Variants in NKAIN2 observed in about 807,000 individuals in gnomAD.
The protein encoded by NKAIN2 is sodium/potassium transporting ATPase interacting 2.
A neutral mutation model predicts 32.6 loss-of-function variants in NKAIN2; 14 were observed. The ratio of observed to expected loss-of-function variants is 0.43; its 90% confidence interval spans 0.28 to 0.67. The LOEUF is 0.67. Among genes scored for constraint, NKAIN2 ranks in the 30% least tolerant of loss-of-function variants. The pLI is 0.17. For synonymous variants in NKAIN2, 80 were observed against 87.2 expected, an observed-to-expected ratio of 0.92 and a Z score of 0.46; for missense variants, 198 against 258.3, an observed-to-expected ratio of 0.77 and a Z score of 1.60.
In NKAIN2 at chr6:124,384,022, T is replaced by A. The variant is rs539971850; in HGVS notation, c.273+28675T>A. 2.6e-5 allele frequency among the ~76,000 whole-genome samples: 4 copies of A among 152,320 alleles called. No individual in the cohort carries two copies. In the East Asian group the frequency reaches 7.7e-4, roughly 29 times the overall value. On this transcript the variant is annotated intron_variant, in intron 3 of 6. Transcript: ENST00000368417. Reference sequence around the variant, plus strand: ...AGGAGTACCATTCTTAGCTATGGGCTCATATAGTGTAAGTATTCAATAAAC... The same window carrying A: ...AGGAGTACCATTCTTAGCTATGGGCACATATAGTGTAAGTATTCAATAAAC...
chr6:124,023,948 C>T (rs770531024), intron 1 of NKAIN2, among the ~76,000 whole-genome samples: 1 of 151,872 alleles, frequency 6.6e-6, no homozygotes, highest in African/African-American at 2.4e-5. Flanking sequence ...ATAGAAAAAT[C>T]GTCTAAGATT....
intron 3 of NKAIN2, among the ~76,000 whole-genome samples, chr6:124,656,752 G>A (rs967799634): frequency 1.3e-5 from 2 of 152,070 alleles, no homozygotes; most frequent in African/African-American, 2.4e-5. Context: ...GAAAACCCAC[G>A]TTAGCTCTCT....
intron 1 of NKAIN2, among the ~76,000 whole-genome samples, chr6:123,941,190 G>A (rs1315391897): frequency 1.3e-5 from 2 of 151,764 alleles, no homozygotes; most frequent in East Asian, 3.9e-4. Context: ...GCAATAACAT[G>A]TAGAGCTGAT....
At chr6:124,133,239 G>T (rs1266581132) in intron 1 of NKAIN2, among the ~76,000 whole-genome samples, 1 of 152,192 alleles carries the variant, frequency 6.6e-6, no homozygotes, top group Non-Finnish European at 1.5e-5. Flanking sequence ...ATTCAGGCCT[G>T]CATGAGAGGC....
chr6:124,706,945 C>T (rs1213244398), intron 4 of NKAIN2, among the ~76,000 whole-genome samples: 18 of 151,856 alleles, frequency 1.2e-4, no homozygotes, highest in Admixed American at 1.2e-3. Flanking sequence ...CACCCACTAA[C>T]TCGTCATCTA....
chr6:124,742,016 G>C (rs531251827), intron 4 of NKAIN2, among the ~76,000 whole-genome samples: 4 of 151,912 alleles, frequency 2.6e-5, no homozygotes, highest in African/African-American at 9.6e-5. Flanking sequence ...TCAGTGTCAA[G>C]GCTGGGATAC....
chr6:123,864,470 T>G (rs1775906482), intron 1 of NKAIN2, among the ~76,000 whole-genome samples: 1 of 152,190 alleles, frequency 6.6e-6, no homozygotes, highest in African/African-American at 2.4e-5. Context: ...CCTATTCTTA[T>G]GAAGCTAACA....
intron 4 of NKAIN2, among the ~76,000 whole-genome samples, chr6:124,721,536 C>T (rs1776021258): frequency 6.6e-6 from 1 of 152,118 alleles, no homozygotes; most frequent in South Asian, 2.1e-4. Flanking sequence ...CCAAGTTTTA[C>T]TTGTGAATTA....
rs567678348 is a variant in NKAIN2, at chr6:124,115,732, A to G, written c.55-167273A>G. Among the ~76,000 whole-genome samples, 9 of 152,246 alleles carry G rather than the reference A, an allele frequency of 5.9e-5. No individual in the cohort carries two copies. In the South Asian group the frequency reaches 1.4e-3, roughly 25 times the overall value. ...TGGATTCTAAGACACCATCAGTTAC[A>G]CCATATACCATTATTTTATGTAGCA... is the stretch of plus-strand genomic sequence containing the variant. On this transcript the variant is annotated intron_variant, in intron 1 of 6. Transcript: ENST00000368417.
At chr6:124,707,234 C>T (rs28844705) in intron 4 of NKAIN2, among the ~76,000 whole-genome samples, 66,702 of 151,638 alleles carry the variant, frequency 0.44, 15,001 homozygotes, top group African/African-American at 0.52. Flanking sequence ...TTAATCCAGT[C>T]TATCATTGTT....
chr6:124,698,797 AG>A (rs1475077612), intron 4 of NKAIN2, among the ~76,000 whole-genome samples: 3 of 152,210 alleles, frequency 2.0e-5, no homozygotes, highest in Admixed American at 2.0e-4. Context: ...TACAAAACGT[AG>A]GGGGAAGTTA....
chr6:124,278,204 C>G (rs1026633083), intron 1 of NKAIN2, among the ~76,000 whole-genome samples: 75 of 152,180 alleles, frequency 4.9e-4, no homozygotes, highest in African/African-American at 1.7e-3. Flanking sequence ...AGATGCCTAA[C>G]CAGTACAAAG....
intron 3 of NKAIN2, among the ~76,000 whole-genome samples, chr6:124,562,529 T>G (rs1020145378): frequency 2.0e-5 from 3 of 152,318 alleles, no homozygotes; most frequent in Admixed American, 2.0e-4. Context: ...ATTATTAAGG[T>G]TCTCAAAGAA....
chr6:124,138,153 C>G (rs1177203432), intron 1 of NKAIN2, among the ~76,000 whole-genome samples: 3 of 151,850 alleles, frequency 2.0e-5, no homozygotes, highest in African/African-American at 7.3e-5. Flanking sequence ...AACAAATAAC[C>G]TTATCAAAAA....
chr6:124,023,925 A>C (rs1562314349), intron 1 of NKAIN2, among the ~76,000 whole-genome samples: 1 of 152,126 alleles, frequency 6.6e-6, no homozygotes, highest in Non-Finnish European at 1.5e-5. Context: ...GATAAGGAAA[A>C]GATAGGATTG....
At chr6:124,455,690 C>T (rs185702620) in intron 3 of NKAIN2, among the ~76,000 whole-genome samples, 1 of 151,432 alleles carries the variant, frequency 6.6e-6, no homozygotes, top group Non-Finnish European at 1.5e-5. Flanking sequence ...GTAACATTTC[C>T]CCTAGTTACA....
intron 3 of NKAIN2, among the ~76,000 whole-genome samples, chr6:124,482,472 T>C (rs1464014955): frequency 6.6e-6 from 1 of 152,170 alleles, no homozygotes; most frequent in Admixed American, 6.5e-5. Flanking sequence ...AAGTCATGCC[T>C]CTCCATCTTC....
intron 1 of NKAIN2, among the ~76,000 whole-genome samples, chr6:124,022,666 G>A (rs978454319): frequency 2.6e-5 from 4 of 152,092 alleles, no homozygotes; most frequent in African/African-American, 9.7e-5. Context: ...TTACATCAAT[G>A]GTTAGAAAAG....
intron 1 of NKAIN2, among the ~76,000 whole-genome samples, chr6:123,904,832 G>A (rs1774783177): frequency 1.3e-5 from 2 of 152,190 alleles, no homozygotes; most frequent in African/African-American, 4.8e-5. Context: ...TGAGCTGGGG[G>A]TGAGAAGGAC....
Sources: allele counts gnomAD v4.1 joint callset (sites outside exome capture counted in the v4.1 genomes callset), GRCh38; gene constraint gnomAD v4.1.1; transcripts MANE v1.5; gene names NCBI Gene and HGNC (gene_info 2026-07-23, HGNC 2026-07-21).